The following GSG1L variants were observed in gnomAD, a reference collection of about 807,000 sequenced individuals.
GSG1L encodes GSG1 like.
A neutral mutation model predicts 42.1 loss-of-function variants in GSG1L; 24 were observed. That is an observed-to-expected ratio of 0.57 (90% CI 0.41 to 0.80). The LOEUF is 0.80. Ranked by LOEUF, GSG1L falls within the 30% of genes least tolerant of loss-of-function variation. The probability of loss-of-function intolerance (pLI) is 0.00; values close to 1 mark genes in which losing one functional copy is unlikely to be tolerated. For missense variants in GSG1L, 445 were observed against 472.2 expected (o/e 0.94, Z 0.53); for synonymous variants, 215 against 203.5 (o/e 1.06, Z -0.48).
At chr16:27,873,915 G>A (rs1196932106) in intron 3 of GSG1L, among the ~76,000 whole-genome samples, 2 of 152,180 alleles carry the variant, frequency 1.3e-5, no homozygotes, top group African/African-American at 4.8e-5. Flanking sequence ...AAGCTAAGCA[G>A]GCCCAGCCCT....
At chr16:27,996,746 T>C (rs1006552776) in intron 1 of GSG1L, among the ~76,000 whole-genome samples, 13 of 152,178 alleles carry the variant, frequency 8.5e-5, no homozygotes, top group African/African-American at 2.9e-4. Flanking sequence ...GCTAAAACAA[T>C]ACAAAATCTT....
At chr16:27,806,416 T>A (rs2082962840) in intron 6 of GSG1L, among the ~76,000 whole-genome samples, 1 of 152,188 alleles carries the variant, frequency 6.6e-6, no homozygotes, top group South Asian at 2.1e-4. Context: ...TTAGTTTGGA[T>A]TCCCCAGCAG....
At chr16:27,888,511 CTTTCTTTCT>C (rs2084076551) in intron 2 of GSG1L, among the ~76,000 whole-genome samples, 1 of 14,128 alleles carries the variant, frequency 7.1e-5, no homozygotes, top group Non-Finnish European at 1.6e-4. Context: ...TTCTTTCTTT[CTTTCTTTCT>C]TTCTTTCTTT....
rs534469700 is a variant in GSG1L at position 27,907,013 on chromosome 16, G to C, written c.398-22375C>G. On this transcript the variant is annotated intron_variant, in intron 2 of 6. Transcript: ENST00000447459. ...CCATTCTCAGCACTTGAGTATGGGG[G>C]ACAGTCCAGCTGCTCCCAGCTACAG... Among the ~76,000 whole-genome samples the C allele has an allele frequency of 1.2e-3, 176 of 152,314 alleles. 1 individual carries two copies. The highest frequency in any genetic ancestry group is 4.1e-3 in the African/African-American group (171 of 41,566).
chr16:27,807,520 GAA>G lies in GSG1L; in HGVS notation c.863_864del (p.Phe288SerfsTer119), dbSNP rs761242125. The G allele has an allele frequency of 6.2e-7, 1 of 1,612,902 alleles. No individual in the cohort carries two copies. Among genetic ancestry groups the G allele is most frequent in the South Asian group, 1.1e-5 (1 of 91,014 alleles). On this transcript the variant is annotated frameshift_variant, in exon 6 of 7. Transcript: ENST00000447459. LOFTEE classifies it high-confidence loss of function. Reference sequence around the variant, plus strand: ...TATCTCTCGTGGCGGCAGTCTAAGTGAAAGTCCTCCTCGCTCCCGTCCCTCTT... The same window carrying G: ...TATCTCTCGTGGCGGCAGTCTAAGTGAGTCCTCCTCGCTCCCGTCCCTCTT... ...MEKRDGSEED[F>X]HLDCRHERYP...
At chr16:27,800,342 C>G (rs1487584384) in intron 6 of GSG1L, among the ~76,000 whole-genome samples, 1 of 152,204 alleles carries the variant, frequency 6.6e-6, no homozygotes, top group African/African-American at 2.4e-5. Flanking sequence ...AGAGACCCAT[C>G]TAGATGGAGC....
At chr16:28,007,296 G>A (rs1213418074) in intron 1 of GSG1L, among the ~76,000 whole-genome samples, 2 of 152,132 alleles carry the variant, frequency 1.3e-5, no homozygotes, top group African/African-American at 2.4e-5. Flanking sequence ...AAAACCAAAG[G>A]TTAGAGTGAC....
chr16:27,834,815 T>C (rs1199615749), intron 4 of GSG1L, among the ~76,000 whole-genome samples: 1 of 152,134 alleles, frequency 6.6e-6, no homozygotes, highest in Non-Finnish European at 1.5e-5. Context: ...CTCTGTCCGC[T>C]CTCTCTGTCA....
chr16:27,968,213 T>C (rs2085156382), intron 1 of GSG1L, among the ~76,000 whole-genome samples: 1 of 152,120 alleles, frequency 6.6e-6, no homozygotes, highest in Admixed American at 6.6e-5. Flanking sequence ...TATCTTCTTC[T>C]GATTTTAAAA....
intron 6 of GSG1L, among the ~76,000 whole-genome samples, chr16:27,802,441 C>A (rs970042787): frequency 6.6e-6 from 1 of 152,154 alleles, no homozygotes; most frequent in Admixed American, 6.5e-5. Flanking sequence ...ACTCCGCTAT[C>A]CCCAGGGAAT....
chr16:27,800,509 A>C (rs1180646771), intron 6 of GSG1L, among the ~76,000 whole-genome samples: 2 of 152,194 alleles, frequency 1.3e-5, no homozygotes, highest in Non-Finnish European at 2.9e-5. Context: ...AGATGCAGAC[A>C]CCTGGGCCAT....
At chr16:28,050,134 T>C (rs1236024128) in intron 1 of GSG1L, among the ~76,000 whole-genome samples, 2 of 152,016 alleles carry the variant, frequency 1.3e-5, no homozygotes, top group Non-Finnish European at 2.9e-5. Context: ...GACAAGACAA[T>C]TTCCAAAAAC....
At chr16:27,808,680 A>AAGTGCTGGAAT (rs2082996126) in intron 5 of GSG1L, among the ~76,000 whole-genome samples, 1 of 152,198 alleles carries the variant, frequency 6.6e-6, no homozygotes, top group Non-Finnish European at 1.5e-5. Context: ...CGGCCTCCCA[A>AAGTGCTGGAAT]TAAAACACTT....
chr16:27,942,077 C>G, intron 2 of GSG1L, among the ~76,000 whole-genome samples: 1 of 150,472 alleles, frequency 6.6e-6, no homozygotes, highest in East Asian at 1.9e-4. Context: ...GAACTGTACA[C>G]TTAAAAATGG....
chr16:28,047,871 G>A (rs1425185312), intron 1 of GSG1L, among the ~76,000 whole-genome samples: 6 of 152,100 alleles, frequency 3.9e-5, no homozygotes, highest in Non-Finnish European at 8.8e-5. Flanking sequence ...AAGAGAAAGA[G>A]ATTAACCTAC....
chr16:27,818,408 G>A (rs2039379574), intron 5 of GSG1L, among the ~76,000 whole-genome samples: 1 of 152,158 alleles, frequency 6.6e-6, no homozygotes, highest in South Asian at 2.1e-4. Flanking sequence ...CACATGAGCC[G>A]CGTGAAGGCT....
intron 1 of GSG1L, among the ~76,000 whole-genome samples, chr16:28,056,195 C>A (rs895814317): frequency 1.3e-5 from 2 of 152,008 alleles, no homozygotes; most frequent in East Asian, 1.9e-4. Context: ...GCACTACTCA[C>A]AATAGCAAAG....
chr16:27,925,531 C>T (rs2084582050), intron 2 of GSG1L, among the ~76,000 whole-genome samples: 1 of 152,108 alleles, frequency 6.6e-6, no homozygotes, highest in African/African-American at 2.4e-5. Flanking sequence ...AAAATAGACA[C>T]AGAAAAGCTG....
chr16:27,911,604 A>T (rs941205597), intron 2 of GSG1L, among the ~76,000 whole-genome samples: 1 of 151,802 alleles, frequency 6.6e-6, no homozygotes, highest in Non-Finnish European at 1.5e-5. Flanking sequence ...CTGCTGTTTG[A>T]ATATCCTGGG....
Sources: allele counts gnomAD v4.1 joint callset (sites outside exome capture counted in the v4.1 genomes callset), GRCh38; gene constraint gnomAD v4.1.1; transcripts MANE v1.5; gene names NCBI Gene and HGNC (gene_info 2026-07-23, HGNC 2026-07-21).